PRELID2: variants seen among roughly 807,000 people sequenced by gnomAD.
The protein encoded by PRELID2 is PRELI domain-containing protein 2.
A neutral mutation model predicts 28.4 loss-of-function variants in PRELID2; 25 were observed. That is an observed-to-expected ratio of 0.88 (90% confidence interval 0.64 to 1.23). The LOEUF is 1.23. PRELID2 is among the 50% of genes most tolerant of loss of function. PRELID2 has a pLI of 0.00. For synonymous variants in PRELID2, 76 were observed against 71.6 expected (o/e 1.06, Z -0.31); for missense variants, 201 against 214.4 (o/e 0.94, Z 0.39).
chr5:145,607,667 TGATC>T (rs1226519885), intron 1 of PRELID2, among the ~76,000 whole-genome samples: 1 of 152,138 alleles, frequency 6.6e-6, no homozygotes, highest in Admixed American at 6.5e-5. Context: ...GCTGATTGTG[TGATC>T]ATTTTTAGAG....
At chr5:145,605,954 T>G (rs1753497998) in intron 1 of PRELID2, among the ~76,000 whole-genome samples, 1 of 152,120 alleles carries the variant, frequency 6.6e-6, no homozygotes, top group Non-Finnish European at 1.5e-5. Context: ...CAGCAGATTT[T>G]TTTAATTCTC....
At chr5:145,549,638 CA>C (rs33930592) in intron 1 of PRELID2, among the ~76,000 whole-genome samples, 37,551 of 151,416 alleles carry the variant, frequency 0.25, 7,403 homozygotes, top group African/African-American at 0.56. Flanking sequence ...ACTAAAAATA[CA>C]AAAAAATTAG....
chr5:145,823,861 A>G (rs1430791529), intron 1 of PRELID2, among the ~76,000 whole-genome samples: 2 of 152,242 alleles, frequency 1.3e-5, no homozygotes, highest in Non-Finnish European at 1.5e-5. Flanking sequence ...CTTTAGATAC[A>G]TTAGCTCAGT....
intron 1 of PRELID2, among the ~76,000 whole-genome samples, chr5:145,655,682 A>T (rs1371906279): frequency 6.6e-6 from 1 of 152,230 alleles, no homozygotes; most frequent in Non-Finnish European, 1.5e-5. Flanking sequence ...GGTGCTGGGA[A>T]AACTGGCAAG....
downstream of PRELID2, among the ~76,000 whole-genome samples, chr5:145,755,078 T>C (rs1757221163): frequency 6.6e-6 from 1 of 152,190 alleles, no homozygotes; most frequent in Non-Finnish European, 1.5e-5. Flanking sequence ...CTTCAAAGAA[T>C]TGTACAAGGA....
chr5:145,809,256 G>A (rs1018728917), intron 4 of PRELID2, among the ~76,000 whole-genome samples: 1 of 152,150 alleles, frequency 6.6e-6, no homozygotes, highest in Non-Finnish European at 1.5e-5. Flanking sequence ...TGCCCAGGCT[G>A]GTCTGGAACT....
intron 4 of PRELID2, among the ~76,000 whole-genome samples, chr5:145,815,891 T>G (rs1754268798): frequency 6.6e-6 from 1 of 152,108 alleles, no homozygotes; most frequent in Non-Finnish European, 1.5e-5. Context: ...GGACATATAT[T>G]TTCTCATTTT....
chr5:145,513,577 A>T (rs1580963993), intron 1 of PRELID2, among the ~76,000 whole-genome samples: 1 of 152,202 alleles, frequency 6.6e-6, no homozygotes, highest in South Asian at 2.1e-4. Flanking sequence ...GATAACATCC[A>T]GCAGAACTTC....
the PRELID2 span, among the ~76,000 whole-genome samples, chr5:145,349,085 G>C: frequency 6.6e-6 from 1 of 151,972 alleles, no homozygotes; most frequent in Non-Finnish European, 1.5e-5. Context: ...CTATGTCTTT[G>C]TGAACATGAT....
chr5:145,589,165 CA>C (rs1300541878), intron 1 of PRELID2, among the ~76,000 whole-genome samples: 1 of 152,074 alleles, frequency 6.6e-6, no homozygotes. Context: ...TCAATGGGTG[CA>C]TAACTGTATT....
chr5:145,752,636 A>C (rs184553217), downstream of PRELID2, among the ~76,000 whole-genome samples: 1 of 152,058 alleles, frequency 6.6e-6, no homozygotes, highest in Admixed American at 6.5e-5. Context: ...TTCCTCCATC[A>C]CCCTCATCTA....
chr5:145,495,864 C>A (rs1752305741), intron 1 of PRELID2, among the ~76,000 whole-genome samples: 1 of 152,092 alleles, frequency 6.6e-6, no homozygotes, highest in Non-Finnish European at 1.5e-5. Context: ...GGTTTTGCAC[C>A]AGTTCTTTGC....
chr5:145,352,941 C>A, the PRELID2 span, among the ~76,000 whole-genome samples: 1 of 152,298 alleles, frequency 6.6e-6, no homozygotes, highest in East Asian at 1.9e-4. Flanking sequence ...ACTTTATTGT[C>A]CATATCACTA....
chr5:145,435,292 G>A, the PRELID2 span, among the ~76,000 whole-genome samples: 1 of 152,178 alleles, frequency 6.6e-6, no homozygotes, highest in African/African-American at 2.4e-5. Flanking sequence ...CTTTGAGGAG[G>A]TGACACTTGA....
At chr5:145,315,183 C>T in the PRELID2 span, among the ~76,000 whole-genome samples, 1 of 151,088 alleles carries the variant, frequency 6.6e-6, no homozygotes, top group Admixed American at 6.6e-5. Context: ...GATTCTCCTG[C>T]CTCAGCCTCC....
chr5:145,630,149 G>GATGGATGGATGGATGA (rs1561525328), intron 1 of PRELID2, among the ~76,000 whole-genome samples: 1 of 152,118 alleles, frequency 6.6e-6, no homozygotes, highest in Non-Finnish European at 1.5e-5. Context: ...TGGATGGATG[G>GATGGATGGATGGATGA]ATGGATGGAT....
At chr5:145,555,797 G>C (rs1392038216) in intron 1 of PRELID2, among the ~76,000 whole-genome samples, 1 of 152,090 alleles carries the variant, frequency 6.6e-6, no homozygotes, top group East Asian at 1.9e-4. Context: ...CAGTCCTTGA[G>C]AGCCAGGGAA....
At chr5:145,592,684 CT>C (rs1292302277) in intron 1 of PRELID2, among the ~76,000 whole-genome samples, 4 of 152,116 alleles carry the variant, frequency 2.6e-5, no homozygotes, top group Admixed American at 6.5e-5. Context: ...GTAAATAGAG[CT>C]GAGAGTTAAG....
chr5:145,777,375 G>C (rs6867742), intron 5 of PRELID2, among the ~76,000 whole-genome samples: 7,123 of 152,158 alleles, frequency 0.047, 453 homozygotes, highest in African/African-American at 0.14. Flanking sequence ...CCTAGCATGA[G>C]AGGAAATTTT....
Sources: gnomAD v4.1 joint callset for allele counts (sites outside exome capture counted in the v4.1 genomes callset) on GRCh38, gnomAD v4.1.1 for gene constraint, MANE v1.5 for transcripts, NCBI Gene and HGNC (gene_info 2026-07-23, HGNC 2026-07-21) for gene names.